Variants in KL observed in about 807,000 individuals in gnomAD.
KL encodes the protein klotho.
Under a neutral mutation model 84.2 loss-of-function variants are expected in KL, and 62 were observed. That is an observed-to-expected ratio of 0.74 (90% CI 0.60 to 0.91). KL has a LOEUF of 0.91. Among genes scored for constraint, KL ranks in the 40% least tolerant of loss-of-function variants. The pLI, the probability that KL is intolerant of heterozygous loss-of-function variation, is 0.00. For synonymous variants in KL, 528 were observed against 528.0 expected (o/e 1.00, Z 0.00); for missense variants, 1,261 against 1,305.7 (o/e 0.97, Z 0.53).
intron 1 of KL, among the ~76,000 whole-genome samples, chr13:33,023,008 A>G (rs1304421646): frequency 1.3e-5 from 2 of 152,220 alleles, no homozygotes; most frequent in Non-Finnish European, 2.9e-5. Context: ...GTTGATTTCC[A>G]GAGCACATAA....
chr13:33,036,286 A>C (rs1200730459), intron 1 of KL, among the ~76,000 whole-genome samples: 1 of 151,930 alleles, frequency 6.6e-6, no homozygotes, highest in Non-Finnish European at 1.5e-5. Flanking sequence ...TGTATTTGTC[A>C]CTAAAGTAAC....
At chr13:33,046,288 A>T (rs625774) in intron 1 of KL, among the ~76,000 whole-genome samples, 48,837 of 152,020 alleles carry the variant, frequency 0.32, 9,189 homozygotes, top group Admixed American at 0.45. Context: ...CTTAGTTTGA[A>T]AGTTTTTGAT....
At position 33,055,270 on chromosome 13, in the gene KL, A is replaced by AT. The variant is rs1566507857; in HGVS notation, c.1557dup (p.Pro520SerfsTer3). ...CTGAAAATCAGCCCCTAGAAGGGAC[A>AT]TTTCCCTGTGACTTTGCTTGGGGAG... On this transcript the variant is annotated frameshift_variant, in exon 3 of 5. Transcript: ENST00000380099. LOFTEE classifies it high-confidence loss of function. 6.2e-7 allele frequency: 1 copy of AT among 1,614,194 alleles called. No individual in the cohort carries two copies. Among genetic ancestry groups the AT allele is most frequent in the Non-Finnish European group, 8.5e-7 (1 of 1,180,034 alleles).
intron 1 of KL, among the ~76,000 whole-genome samples, chr13:33,031,256 T>C (rs938365354): frequency 6.6e-6 from 1 of 152,068 alleles, no homozygotes; most frequent in Non-Finnish European, 1.5e-5. Flanking sequence ...AAAAGTATGG[T>C]TTCAATCCAT....
In KL at chr13:33,039,407, A is replaced by T. The variant is rs1871255319; in HGVS notation, c.820-14360A>T. Among the ~76,000 whole-genome samples the T allele has an allele frequency of 4.6e-5, 7 of 152,322 alleles. 1 individual carries two copies. The South Asian group carries it at 1.5e-3, about 32-fold the overall frequency. ...TGAATGAATAATTCCACATTATTGG[A>T]TGTTCAAGTTGTTTCCATTCAACTT... On this transcript the variant is annotated intron_variant, in intron 1 of 4. Coordinates refer to ENST00000380099, the MANE Select transcript of KL (RefSeq NM_004795.4).
chr13:33,058,635 C>T (rs1008532542), intron 3 of KL, among the ~76,000 whole-genome samples: 5 of 152,078 alleles, frequency 3.3e-5, no homozygotes, highest in Admixed American at 6.6e-5. Context: ...CCACCATGCC[C>T]GGCCTGTCCT....
Position 33,053,845 on chromosome 13 carries a change from T to G in KL, c.898T>G (p.Ser300Ala). ...AGGTCAGGTGTCCATTGCCCTAAGC[T>G]CTCACTGGATCAATCCTCGAAGAAT... ...QGGQVSIALSSHWINPRRMTD... is the reference protein window; with the variant it reads ...QGGQVSIALSAHWINPRRMTD... Residue 300 changes from serine to alanine, a missense_variant, in exon 2 of 5, where the codon TCT (serine) becomes GCT (alanine). Ser to Ala is a moderately conservative substitution (Grantham distance 99). Coordinates refer to ENST00000380099, the MANE Select transcript of KL (RefSeq NM_004795.4). 1 of 1,614,088 alleles carries G rather than the reference T, an allele frequency of 6.2e-7. No individual in the cohort carries two copies. The highest frequency in any genetic ancestry group is 8.5e-7 in the Non-Finnish European group (1 of 1,179,960).
At chr13:33,046,834 C>T (rs1477103880) in intron 1 of KL, among the ~76,000 whole-genome samples, 2 of 151,370 alleles carry the variant, frequency 1.3e-5, no homozygotes, top group Non-Finnish European at 2.9e-5. Context: ...TGGTATGTTA[C>T]ATATTCAGTT....
chr13:33,063,803 G>A, intron 4 of KL, 46 bp from the exon 5 acceptor site: 1 of 1,511,604 alleles, frequency 6.6e-7, no homozygotes, highest in South Asian at 1.1e-5. Context: ...GATGTGTTGT[G>A]TGCAAAATAC....
intron 1 of KL, among the ~76,000 whole-genome samples, chr13:33,050,369 C>T (rs9563121): frequency 0.26 from 40,295 of 152,120 alleles, 5,797 homozygotes; most frequent in East Asian, 0.45. Flanking sequence ...AAATAGCGAC[C>T]TTCCCACACT....
intron 1 of KL, among the ~76,000 whole-genome samples, chr13:33,019,256 AT>A (rs1175917678): frequency 1.3e-5 from 2 of 151,610 alleles, no homozygotes; most frequent in Non-Finnish European, 2.9e-5. Context: ...ATTTTGTTGT[AT>A]GAGATACTTT....
At chr13:33,039,156 A>G (rs1440198276) in intron 1 of KL, among the ~76,000 whole-genome samples, 2 of 152,194 alleles carry the variant, frequency 1.3e-5, no homozygotes, top group Non-Finnish European at 2.9e-5. Flanking sequence ...TAATTTAATA[A>G]GCTATATTTG....
intron 1 of KL, among the ~76,000 whole-genome samples, 189 bp downstream of exon 1, chr13:33,017,448 T>C (rs924471664): frequency 2.0e-5 from 3 of 152,178 alleles, no homozygotes; most frequent in Non-Finnish European, 2.9e-5. Flanking sequence ...AGAAATCCCT[T>C]AGTGGGCACA....
At chr13:33,039,288 C>T (rs1402182463) in intron 1 of KL, among the ~76,000 whole-genome samples, 4 of 152,046 alleles carry the variant, frequency 2.6e-5, no homozygotes, top group African/African-American at 7.2e-5. Context: ...TTTAACTAAT[C>T]CCTATTGTTA....
chr13:33,051,009 C>T (rs1871726990), intron 1 of KL, among the ~76,000 whole-genome samples: 1 of 152,204 alleles, frequency 6.6e-6, no homozygotes, highest in African/African-American at 2.4e-5. Flanking sequence ...TGTCACATCG[C>T]TACTGTGGGC....
intron 1 of KL, among the ~76,000 whole-genome samples, chr13:33,031,697 G>A (rs112033775): frequency 5.4e-4 from 82 of 152,210 alleles, no homozygotes; most frequent in African/African-American, 1.9e-3. Context: ...TTTCACAATA[G>A]CATAGTATTT....
At chr13:33,039,259 T>A in intron 1 of KL, among the ~76,000 whole-genome samples, 1 of 152,368 alleles carries the variant, frequency 6.6e-6, no homozygotes, top group African/African-American at 2.4e-5. Flanking sequence ...TTTCATTTAA[T>A]GTCTTATTCC....
chr13:33,061,781 G>T lies in KL; in HGVS notation c.2701+1G>T, dbSNP rs777574534. On this transcript the variant is annotated splice_donor_variant, in intron 4 of 4. Transcript: ENST00000380099. LOFTEE classifies it high-confidence loss of function. ...AATTACATAAACGAAGCTCTCAAAG[G>T]TAAGGAGCCCTAGCTGCGGCTATCT... The T allele has an allele frequency of 6.2e-7, 1 of 1,612,902 alleles. No individual in the cohort carries two copies. The highest frequency in any genetic ancestry group is 8.5e-7 in the Non-Finnish European group (1 of 1,180,000).
In KL at chr13:33,063,376, T is replaced by C. The variant is rs187676238; in HGVS notation, c.2702-473T>C. On this transcript the variant is annotated intron_variant, in intron 4 of 4. Coordinates refer to ENST00000380099, the MANE Select transcript of KL (RefSeq NM_004795.4). ...AAATGCAGCTCAATATTTGTCTTGA[T>C]AATTTGCCTATTTGGCTTTACATAA... Among the ~76,000 whole-genome samples, 3 of 152,200 alleles carry C rather than the reference T, an allele frequency of 2.0e-5. No homozygotes were observed. The East Asian group carries it at 5.8e-4, about 29-fold the overall frequency.
Sources: allele counts gnomAD v4.1 joint callset (sites outside exome capture counted in the v4.1 genomes callset), GRCh38; gene constraint gnomAD v4.1.1; transcripts MANE v1.5; gene names NCBI Gene and HGNC (gene_info 2026-07-23, HGNC 2026-07-21).